PLCH1: variants seen among roughly 807,000 people sequenced by gnomAD.
The protein encoded by PLCH1 is 1-phosphatidylinositol 4,5-bisphosphate phosphodiesterase eta-1.
In PLCH1, 60 loss-of-function variants were observed where a neutral mutation model predicts 126.7. That is an observed-to-expected ratio of 0.47 (90% CI 0.38 to 0.59). PLCH1 has a LOEUF of 0.59. Among genes scored for constraint, PLCH1 ranks in the 20% least tolerant of loss-of-function variants. The pLI is 0.00. For missense variants in PLCH1, 1,723 were observed against 2,040.0 expected, an observed-to-expected ratio of 0.84 and a Z score of 2.99; for synonymous variants, 719 against 734.9, an observed-to-expected ratio of 0.98 and a Z score of 0.35.
intron 1 of PLCH1, among the ~76,000 whole-genome samples, chr3:155,718,030 G>C (rs1747662069): frequency 6.6e-6 from 1 of 152,142 alleles, no homozygotes. Flanking sequence ...AAGCAGCCAG[G>C]TCACAACTTG....
chr3:155,479,363 C>T (rs1031808015), downstream of PLCH1, among the ~76,000 whole-genome samples: 6 of 152,110 alleles, frequency 3.9e-5, no homozygotes, highest in African/African-American at 1.2e-4. Context: ...ACACATCAGC[C>T]CCCAACCAGA....
intron 10 of PLCH1, among the ~76,000 whole-genome samples, chr3:155,536,052 G>T (rs1723312292): frequency 6.6e-6 from 1 of 152,166 alleles, no homozygotes; most frequent in Non-Finnish European, 1.5e-5. Context: ...CCCACTGGGT[G>T]GCTAGACCCA....
At position 155,593,955 on chromosome 3, in the gene PLCH1, C is replaced by T; in HGVS notation, c.456G>A (p.Gln152=). 1.2e-6 allele frequency: 2 copies of T among 1,614,126 alleles called. No homozygotes were observed. Among genetic ancestry groups the T allele is most frequent in the Non-Finnish European group, 1.7e-6 (2 of 1,180,014 alleles). ...ISDEDSLAKR[Q]RTHDQWVKQT... ...AGAAAGGATATTGGTCATGGGTCCTCTGCCTTTTGGCAAGGGAGTCTTCAT... is the reference window on the plus strand; with the variant it reads ...AGAAAGGATATTGGTCATGGGTCCTTTGCCTTTTGGCAAGGGAGTCTTCAT... The change falls in exon 4 of 23, where the codon CAG becomes CAA. Residue 152 remains glutamine, a synonymous_variant. Transcript: ENST00000460012.
chr3:155,470,139 T>A (rs879321808), intron 21 of PLCH1, among the ~76,000 whole-genome samples: 353 of 151,466 alleles, frequency 2.3e-3, no homozygotes, highest in South Asian at 8.5e-3. Context: ...AGCTACGGGA[T>A]GACATTCAAA....
intron 2 of PLCH1, among the ~76,000 whole-genome samples, chr3:155,637,270 G>A (rs1335428403): frequency 6.6e-6 from 1 of 152,196 alleles, no homozygotes; most frequent in Non-Finnish European, 1.5e-5. Flanking sequence ...CTCAGTCAGA[G>A]GTCCATTTCC....
intron 10 of PLCH1, among the ~76,000 whole-genome samples, chr3:155,540,646 C>T (rs1426994025): frequency 3.3e-5 from 5 of 152,092 alleles, no homozygotes; most frequent in Non-Finnish European, 4.4e-5. Flanking sequence ...AAAAAATGCT[C>T]AACATCACTA....
chr3:155,508,727 T>G (rs1352753640), intron 12 of PLCH1, among the ~76,000 whole-genome samples: 2 of 96,152 alleles, frequency 2.1e-5, no homozygotes, highest in Non-Finnish European at 3.9e-5. Context: ...ATGGATAAGC[T>G]TTTTGATGTG....
chr3:155,454,065 T>C lies in PLCH1; in HGVS notation c.2938+31291A>G, dbSNP rs543053770. ...CCATAAGATAACCATAATAGTGATA[T>C]AGTATAGCAGCAAAAATTTGAGCAT... On this transcript the variant is annotated intron_variant, in intron 21 of 21. Coordinates refer to the PLCH1 transcript ENST00000494598. Among the ~76,000 whole-genome samples, 47 of 152,258 alleles carry C rather than the reference T, an allele frequency of 3.1e-4. 1 individual carries two copies. In the East Asian group the frequency reaches 7.9e-3, roughly 26 times the overall value.
intron 2 of PLCH1, among the ~76,000 whole-genome samples, chr3:155,619,046 T>A (rs1736137013): frequency 6.6e-6 from 1 of 152,196 alleles, no homozygotes. Flanking sequence ...CTCCCTTATA[T>A]TTGGGCAAAA....
In PLCH1 at chr3:155,481,017, T is replaced by C; in HGVS notation, c.5009A>G (p.Glu1670Gly). The C allele has an allele frequency of 6.2e-7, 1 of 1,609,030 alleles. No homozygotes were observed. The highest frequency in any genetic ancestry group is 1.3e-5 in the African/African-American group (1 of 74,966). The change falls in exon 23 of 23, where the codon GAG becomes GGG. Residue 1670 changes from glutamate to glycine, a missense_variant. Coordinates refer to ENST00000460012, the MANE Select transcript of PLCH1 (RefSeq NM_014996.4). The surrounding 1 kb of genome is among the most constrained non-coding windows in gnomAD (Gnocchi z 4.2). Reference protein sequence around the residue: ...FCSDNSVLQTEPSSDDKPEIY... With the variant: ...FCSDNSVLQTGPSSDDKPEIY... ...TTCTGGTTTATCATCACTGCTTGGCTCAGTCTGCAAAACAGAATTATCTGA... is the reference window on the plus strand; with the variant it reads ...TTCTGGTTTATCATCACTGCTTGGCCCAGTCTGCAAAACAGAATTATCTGA...
chr3:155,734,193 T>C (rs1397473722), intron 1 of PLCH1, among the ~76,000 whole-genome samples: 2 of 152,000 alleles, frequency 1.3e-5, no homozygotes, highest in Non-Finnish European at 2.9e-5. Context: ...GCACAGTGTC[T>C]CATGTTTGTA....
At position 155,583,375 on chromosome 3, in the gene PLCH1, G is replaced by A; in HGVS notation, c.771+97C>T. The A allele has an allele frequency of 3.1e-6, 3 of 978,964 alleles. No homozygotes were observed. In the East Asian group the frequency reaches 7.9e-5, roughly 26 times the overall value. The allele number at this position is 978,964 out of a possible 1,614,324, so 60.6% of individuals were successfully genotyped here. ...TGAACTAGTGATATTTACCACCTTT[G>A]CAAAATTCAAAGTATACCTATATTT... On this transcript the variant is annotated intron_variant, in intron 6 of 22. Coordinates refer to ENST00000460012, the MANE Select transcript of PLCH1 (RefSeq NM_014996.4).
chr3:155,666,893 GGTGTGTGTGTGTGT>G (rs3220185), intron 2 of PLCH1, among the ~76,000 whole-genome samples: 30,071 of 148,674 alleles, frequency 0.2, 3,320 homozygotes, highest in East Asian at 0.43. Flanking sequence ...ACACAGATGA[GGTGTGTGTGTGTGT>G]GTGTGTGTGT....
rs1224322996 is a variant in PLCH1 at position 155,649,470 on chromosome 3, C to T, written c.80-53092G>A. Among the ~76,000 whole-genome samples the T allele has an allele frequency of 3.9e-5, 6 of 152,168 alleles. No homozygotes were observed. The East Asian group carries it at 1.2e-3, about 29-fold the overall frequency. ...CAGGGTGTGCACACCCCAAGTAGCACCATGCACAACCTATGCTACACCTCA... is the reference window on the plus strand; with the variant it reads ...CAGGGTGTGCACACCCCAAGTAGCATCATGCACAACCTATGCTACACCTCA... On this transcript the variant is annotated intron_variant, in intron 2 of 22. Coordinates refer to ENST00000460012, the MANE Select transcript of PLCH1 (RefSeq NM_014996.4).
rs919576674 is a variant in PLCH1, at chr3:155,481,231, G to A, written c.4795C>T (p.Pro1599Ser). The change falls in exon 23 of 23, where the codon CCC becomes TCC. Residue 1599 changes from proline (P) to serine (S), a missense_variant. Physicochemically the swap from Pro to Ser is moderately conservative, Grantham distance 74. Transcript: ENST00000460012. The surrounding 1 kb of genome is among the most constrained non-coding windows in gnomAD (Gnocchi z 4.2). ...QEANKQKVPN[P>S]SNGAGVVLRN... is the part of the protein sequence containing the mutation. ...AGAACCACTCCTGCCCCATTGCTGG[G>A]GTTTGGAACTTTCTGCTTGTTGGCT... 3 of 1,614,190 alleles carry A rather than the reference G, an allele frequency of 1.9e-6. No individual in the cohort carries two copies. Among genetic ancestry groups the A allele is most frequent in the Non-Finnish European group, 2.5e-6 (3 of 1,180,032 alleles).
intron 2 of PLCH1, among the ~76,000 whole-genome samples, chr3:155,660,840 G>T (rs1363552278): frequency 6.6e-6 from 1 of 152,180 alleles, no homozygotes; most frequent in Non-Finnish European, 1.5e-5. Context: ...CTCAGGATGA[G>T]TGACTCCCCT....
rs144404418 is a variant in PLCH1 at position 155,722,309 on chromosome 3, C to T, written c.-40-18045G>A. Among the ~76,000 whole-genome samples, 353 of 152,010 alleles carry T rather than the reference C, an allele frequency of 2.3e-3. 1 individual carries two copies. Among genetic ancestry groups the T allele is most frequent in the African/African-American group, 6.7e-3 (280 of 41,494 alleles). ...CTCCTGAGTAGCTGGGATTAAGGCA[C>T]GCACCACCACGCCCAGCTAATTTTG... On this transcript the variant is annotated intron_variant, in intron 1 of 22. Transcript: ENST00000460012.
chr3:155,617,910 G>A (rs1373792887), intron 2 of PLCH1, among the ~76,000 whole-genome samples: 1 of 152,144 alleles, frequency 6.6e-6, no homozygotes, highest in African/African-American at 2.4e-5. Context: ...GACCTCCATA[G>A]GAGAGGAATT....
At chr3:155,543,503 G>T (rs1330897697) in intron 10 of PLCH1, among the ~76,000 whole-genome samples, 2 of 152,174 alleles carry the variant, frequency 1.3e-5, no homozygotes, top group Non-Finnish European at 2.9e-5. Context: ...GTCTAGCAAG[G>T]CAGGCCAACA....
Sources: allele counts gnomAD v4.1 joint callset (sites outside exome capture counted in the v4.1 genomes callset), GRCh38; gene constraint gnomAD v4.1.1; non-coding constraint Gnocchi (gnomAD v3.1); transcripts MANE v1.5; gene names NCBI Gene and HGNC (gene_info 2026-07-23, HGNC 2026-07-21).